Variants in SPEF2 observed in about 807,000 individuals in gnomAD.
SPEF2 encodes the protein sperm flagellar and cilia associated 2.
A neutral mutation model predicts 224.6 loss-of-function variants in SPEF2; 187 were observed. The observed-to-expected ratio is 0.83, with a 90% confidence interval of 0.74 to 0.94. The LOEUF is 0.94. Among genes scored for constraint, SPEF2 ranks in the 40% least tolerant of loss-of-function variants. SPEF2 has a pLI of 0.00. For synonymous variants in SPEF2, 715 were observed against 707.3 expected, an observed-to-expected ratio of 1.01 and a Z score of -0.17; for missense variants, 2,170 against 2,135.6, an observed-to-expected ratio of 1.02 and a Z score of -0.32.
rs767408260 is a variant in SPEF2 at position 35,697,697 on chromosome 5, C to G, written c.2045C>G (p.Thr682Arg). ...TCTTGTTTATTTTCCCAGCTCACTACACGTGCTCAGCTTGGTGCAAAATCA... is the reference window on the plus strand; with the variant it reads ...TCTTGTTTATTTTCCCAGCTCACTAGACGTGCTCAGCTTGGTGCAAAATCA... ...KSSDSFLKLT[T>R]RAQLGAKSEQ... is the part of the protein sequence containing the mutation. Residue 682 changes from threonine to arginine, a missense_variant, in exon 15 of 37, where the codon ACA (threonine) becomes AGA (arginine). By Grantham distance (71) the Thr-to-Arg change is moderately conservative. Transcript: ENST00000356031. 6.2e-6 allele frequency: 10 copies of G among 1,612,638 alleles called. No individual in the cohort carries two copies. Among genetic ancestry groups the G allele is most frequent in the Non-Finnish European group, 7.6e-6 (9 of 1,179,324 alleles).
chr5:35,790,458 G>A (rs1368306906), intron 30 of SPEF2: 4 of 425,210 alleles, frequency 9.4e-6, no homozygotes, highest in African/African-American at 8.2e-5. Flanking sequence ...GTTTCCAGAA[G>A]CCTGGAATTT....
At chr5:35,763,136 C>G (rs1751561841) in intron 25 of SPEF2, among the ~76,000 whole-genome samples, 1 of 152,126 alleles carries the variant, frequency 6.6e-6, no homozygotes, top group Non-Finnish European at 1.5e-5. Context: ...AGAAGTGATG[C>G]CCAGTTTCGT....
chr5:35,658,480 T>C (rs1169630353), intron 7 of SPEF2, among the ~76,000 whole-genome samples: 1 of 152,246 alleles, frequency 6.6e-6, no homozygotes, highest in East Asian at 1.9e-4. Context: ...AGTCTTCAGC[T>C]GACAATGCCT....
intron 10 of SPEF2, among the ~76,000 whole-genome samples, chr5:35,679,532 T>A (rs192512688): frequency 3.5e-4 from 54 of 152,258 alleles, no homozygotes; most frequent in African/African-American, 1.2e-3. Flanking sequence ...AGCTAGAACA[T>A]CTGCAGCTTG....
At chr5:35,655,177 C>G (rs892073359) in intron 7 of SPEF2, among the ~76,000 whole-genome samples, 3 of 152,132 alleles carry the variant, frequency 2.0e-5, no homozygotes, top group Non-Finnish European at 2.9e-5. Context: ...CCTGGACGAA[C>G]AGCACCAGCA....
At position 35,646,743 on chromosome 5, in the gene SPEF2, C is replaced by T; in HGVS notation, c.662C>T (p.Ala221Val). Residue 221 changes from alanine to valine, a missense_variant, in exon 5 of 37, where the codon GCA becomes GTA. Coordinates refer to ENST00000356031, the MANE Select transcript of SPEF2 (RefSeq NM_024867.4). ...QAAIIQIPKPASNRTLKALEA... is the reference protein window; with the variant it reads ...QAAIIQIPKPVSNRTLKALEA... ...GCTATTATACAGATTCCTAAACCTGCATCAAATCGTACTTTGAAAGCACTC... is the reference window on the plus strand; with the variant it reads ...GCTATTATACAGATTCCTAAACCTGTATCAAATCGTACTTTGAAAGCACTC... The T allele has an allele frequency of 1.9e-6, 3 of 1,613,834 alleles. No homozygotes were observed. The highest frequency in any genetic ancestry group is 2.5e-6 in the Non-Finnish European group (3 of 1,179,898).
At chr5:35,640,706 C>T (rs536498556) in intron 2 of SPEF2, among the ~76,000 whole-genome samples, 12 of 152,040 alleles carry the variant, frequency 7.9e-5, no homozygotes, top group African/African-American at 2.2e-4. Flanking sequence ...TGATTGATGC[C>T]GCATAATACA....
chr5:35,642,876 C>T (rs12518827), intron 3 of SPEF2, among the ~76,000 whole-genome samples: 90,804 of 152,082 alleles, frequency 0.6, 27,696 homozygotes, highest in East Asian at 0.74. Context: ...ATGGACTCAG[C>T]GCTCCTTGAG....
chr5:35,720,676 ATTAGAATT>A (rs1743481615), intron 20 of SPEF2, among the ~76,000 whole-genome samples: 1 of 152,228 alleles, frequency 6.6e-6, no homozygotes, highest in Non-Finnish European at 1.5e-5. Context: ...ATACTTAGAC[ATTAGAATT>A]TTAGAAATTT....
chr5:35,688,547 T>C (rs1357880792), intron 10 of SPEF2, among the ~76,000 whole-genome samples: 2 of 152,212 alleles, frequency 1.3e-5, no homozygotes, highest in African/African-American at 4.8e-5. Context: ...TTAATGCATA[T>C]AGTACATAGG....
intron 30 of SPEF2, chr5:35,788,909 G>A: frequency 1.4e-6 from 1 of 702,920 alleles, no homozygotes; most frequent in South Asian, 1.5e-5. Context: ...TGCTTTCAAA[G>A]GCCTTCACCT....
At chr5:35,814,282 C>CAAGT (rs940886093) in intron 36 of SPEF2, among the ~76,000 whole-genome samples, 182 bp from the exon 37 acceptor site, 3 of 152,090 alleles carry the variant, frequency 2.0e-5, no homozygotes, top group Non-Finnish European at 4.4e-5. Context: ...TCCAAACATA[C>CAAGT]AAGTAGTAAG....
At chr5:35,645,718 G>A (rs1747271877) in intron 4 of SPEF2, among the ~76,000 whole-genome samples, 1 of 152,064 alleles carries the variant, frequency 6.6e-6, no homozygotes, top group Non-Finnish European at 1.5e-5. Context: ...TGAGAAAAAG[G>A]AAATATGATA....
Position 35,617,965 on chromosome 5 carries a change from C to G in SPEF2, c.-33C>G, listed in dbSNP as rs549651889. 1 of 1,559,186 alleles carries G rather than the reference C, an allele frequency of 6.4e-7. No individual in the cohort carries two copies. The highest frequency in any genetic ancestry group is 1.9e-5 in the Admixed American group (1 of 52,982). On this transcript the variant is annotated 5_prime_UTR_variant, in exon 1 of 37. Transcript: ENST00000356031. Reference sequence around the variant, plus strand: ...GCTTGGTTCCTGGCGAGTTTCTAAGCCCCCGCCTGCGGTCTGAGGCACCGG... The same window carrying G: ...GCTTGGTTCCTGGCGAGTTTCTAAGGCCCCGCCTGCGGTCTGAGGCACCGG...
At chr5:35,662,541 C>G (rs1749886254) in intron 8 of SPEF2, among the ~76,000 whole-genome samples, 1 of 152,084 alleles carries the variant, frequency 6.6e-6, no homozygotes, top group Non-Finnish European at 1.5e-5. Flanking sequence ...GGTTGTCTTC[C>G]AGGGTTTTTA....
At chr5:35,808,907 G>A (rs921554100) in intron 36 of SPEF2, among the ~76,000 whole-genome samples, 6 of 141,358 alleles carry the variant, frequency 4.2e-5, no homozygotes, top group Non-Finnish European at 9.3e-5. Flanking sequence ...TATAAAACAA[G>A]CTAGCAGCTG....
chr5:35,782,836 C>T (rs772403114), intron 30 of SPEF2, among the ~76,000 whole-genome samples: 1 of 152,128 alleles, frequency 6.6e-6, no homozygotes, highest in Non-Finnish European at 1.5e-5. Flanking sequence ...TGGTCAAATT[C>T]TGCCACTTAT....
chr5:35,674,292 T>C (rs2149488002), intron 10 of SPEF2, among the ~76,000 whole-genome samples: 1 of 150,396 alleles, frequency 6.6e-6, no homozygotes, highest in Non-Finnish European at 1.5e-5. Context: ...TGCTGTGTTC[T>C]CACAGGGCAG....
At chr5:35,644,578 T>C in intron 4 of SPEF2, 53 bp downstream of exon 4, 3 of 1,417,926 alleles carry the variant, frequency 2.1e-6, no homozygotes, top group Non-Finnish European at 2.9e-6. Flanking sequence ...ATACAGTTTG[T>C]GATTTATGCG....
Sources: gnomAD v4.1 joint callset for allele counts (sites outside exome capture counted in the v4.1 genomes callset) on GRCh38, gnomAD v4.1.1 for gene constraint, MANE v1.5 for transcripts, NCBI Gene and HGNC (gene_info 2026-07-23, HGNC 2026-07-21) for gene names.